Variants in ZNF37A observed in about 807,000 individuals in gnomAD.
The protein encoded by ZNF37A is zinc finger protein 37A, also known as zinc finger protein 37a (KOX 21).
A neutral mutation model predicts 12.3 loss-of-function variants in ZNF37A; 10 were observed. That is an observed-to-expected ratio of 0.82 (90% CI 0.50 to 1.38). The LOEUF (loss-of-function observed/expected upper bound fraction) is 1.38, where lower values mean the gene tolerates loss of function less well. Among genes scored for constraint, ZNF37A ranks in the 40% most tolerant of loss-of-function variants. ZNF37A has a pLI of 0.00. For missense variants in ZNF37A, 580 were observed against 651.2 expected (o/e 0.89, Z 1.19); for synonymous variants, 207 against 223.0 (o/e 0.93, Z 0.64).
At chr10:38,112,773 T>TCTTGTCTTGTCTTGTCTTG (rs1564932263) in intron 5 of ZNF37A, among the ~76,000 whole-genome samples, 1 of 65,634 alleles carries the variant, frequency 1.5e-5, no homozygotes, top group African/African-American at 5.6e-5. Flanking sequence ...TTCTTTTCTT[T>TCTTGTCTTGTCTTGTCTTG]TCTTTTCTTT....
exon 8 of ZNF37A, chr10:38,149,566 T>G: frequency 7.4e-6 from 1 of 135,116 alleles, no homozygotes; most frequent in East Asian, 2.2e-4. Flanking sequence ...CATTCTACAG[T>G]TGTGCTTTTT....
intron 4 of ZNF37A, 86 bp downstream of exon 4, chr10:38,095,890 A>C: frequency 6.6e-6 from 1 of 152,156 alleles, no homozygotes; most frequent in Admixed American, 6.5e-5. Context: ...TTTTCCTTCC[A>C]AAAAAACTGG....
intron 5 of ZNF37A, among the ~76,000 whole-genome samples, chr10:38,098,748 A>G (rs1198716283): frequency 6.6e-6 from 1 of 152,214 alleles, no homozygotes; most frequent in Non-Finnish European, 1.5e-5. Flanking sequence ...TCATGTATTT[A>G]TGTATAGTCT....
At chr10:38,100,782 G>T (rs1467926983) in intron 5 of ZNF37A, among the ~76,000 whole-genome samples, 1 of 152,160 alleles carries the variant, frequency 6.6e-6, no homozygotes, top group Admixed American at 6.5e-5. Context: ...TTAAAGACAG[G>T]CATAGGAAAT....
intron 7 of ZNF37A, chr10:38,115,529 T>G: frequency 2.7e-6 from 1 of 374,518 alleles, no homozygotes; most frequent in Non-Finnish European, 4.7e-6. Context: ...ACTATATAGT[T>G]TAGCCAGAGA....
At position 38,122,219 on chromosome 10, in the gene ZNF37A, CAG is replaced by C. The variant is rs1278521619; in HGVS notation, c.*3385_*3386del. On this transcript the variant is annotated 3_prime_UTR_variant, in exon 8 of 8. Coordinates refer to ENST00000685332, the MANE Select transcript of ZNF37A (RefSeq NM_001324250.3). ...TGCCACTGTACTCTAGCCTGGAAGACAGAGTGAGACCCCATCTCAGGAAAAAA... is the reference window on the plus strand; with the variant it reads ...TGCCACTGTACTCTAGCCTGGAAGACAGTGAGACCCCATCTCAGGAAAAAA... The C allele has an allele frequency of 6.6e-6, 1 of 150,486 alleles. No individual in the cohort carries two copies. The highest frequency in any genetic ancestry group is 2.5e-5 in the African/African-American group (1 of 40,782). The allele number at this position is 150,486 out of a possible 1,614,324, so 9.3% of individuals were successfully genotyped here. A position where few individuals can be genotyped will look rare whatever the true frequency, so the allele number is the denominator to read the frequency against.
At chr10:38,141,058 C>T (rs1049709103) in intron 7 of ZNF37A, 5 of 152,078 alleles carry the variant, frequency 3.3e-5, no homozygotes, top group African/African-American at 1.2e-4. Flanking sequence ...AATGAGGGAC[C>T]CATATTAGTG....
chr10:38,149,892 T>C (rs1335761783), exon 8 of ZNF37A: 1 of 152,208 alleles, frequency 6.6e-6, no homozygotes, highest in Non-Finnish European at 1.5e-5. Context: ...CTAATTTCTT[T>C]AGTGAACTAT....
intron 5 of ZNF37A, among the ~76,000 whole-genome samples, 194 bp from the exon 6 acceptor site, chr10:38,114,561 C>A (rs1366666679): frequency 6.6e-6 from 1 of 152,164 alleles, no homozygotes; most frequent in Admixed American, 6.5e-5. Flanking sequence ...TAAATTAATG[C>A]ACCAACAGGA....
At chr10:38,098,629 T>G (rs2067329969) in intron 5 of ZNF37A, among the ~76,000 whole-genome samples, 1 of 152,176 alleles carries the variant, frequency 6.6e-6, no homozygotes, top group South Asian at 2.1e-4. Context: ...AGTGTACAAG[T>G]GTTGCATATC....
chr10:38,098,708 C>T (rs528992152), intron 5 of ZNF37A, among the ~76,000 whole-genome samples: 40 of 152,240 alleles, frequency 2.6e-4, no homozygotes, highest in African/African-American at 8.9e-4. Context: ...ACTTCAGTGT[C>T]TATAAAGTTT....
At chr10:38,136,422 G>A (rs575378529) in intron 7 of ZNF37A, among the ~76,000 whole-genome samples, 1 of 152,254 alleles carries the variant, frequency 6.6e-6, no homozygotes, top group Admixed American at 6.5e-5. Flanking sequence ...CCAAAGTGCT[G>A]GGATTACAGG....
chr10:38,135,733 A>G (rs2070099152), intron 7 of ZNF37A, among the ~76,000 whole-genome samples: 1 of 152,222 alleles, frequency 6.6e-6, no homozygotes, highest in African/African-American at 2.4e-5. Flanking sequence ...ACCTCCTCAC[A>G]GGCGGCAGGG....
At chr10:38,139,024 G>A (rs1407098150) in intron 7 of ZNF37A, 1 of 152,156 alleles carries the variant, frequency 6.6e-6, no homozygotes, top group Non-Finnish European at 1.5e-5. Flanking sequence ...ATCTGCAGAG[G>A]AAGAGCTACA....
At chr10:38,136,581 A>G (rs2041646665) in intron 7 of ZNF37A, among the ~76,000 whole-genome samples, 1 of 152,140 alleles carries the variant, frequency 6.6e-6, no homozygotes, top group Admixed American at 6.5e-5. Flanking sequence ...TGCTTTCAAT[A>G]TTCTCTGTCT....
Position 38,117,756 on chromosome 10 carries a change from G to T in ZNF37A, c.605G>T (p.Gly202Val). The T allele has an allele frequency of 5.0e-6, 8 of 1,613,966 alleles. No individual in the cohort carries two copies. The highest frequency in any genetic ancestry group is 5.9e-6 in the Non-Finnish European group (7 of 1,179,988). Residue 202 changes from glycine (G) to valine (V), a missense_variant, in exon 8 of 8, where the codon GGT (glycine) becomes GTT (valine). By Grantham distance (109) the Gly-to-Val change is moderately radical (BLOSUM62 -3). Transcript: ENST00000685332. The stretch of plus-strand genomic sequence containing the variant: ...ACACATCCAAGAGAAAACCACTATG[G>T]TAATGAATGTGGAGAAAATATCTTT... ...QQTHPRENHY[G>V]NECGENIFEE... is the part of the protein sequence containing the mutation.
chr10:38,111,814 A>G (rs1414266918), intron 5 of ZNF37A, among the ~76,000 whole-genome samples: 1 of 152,048 alleles, frequency 6.6e-6, no homozygotes, highest in Admixed American at 6.6e-5. Flanking sequence ...ATTGACAGGC[A>G]TGTTTGCCAG....
At position 38,114,777 on chromosome 10, in the gene ZNF37A, T is replaced by TA; in HGVS notation, c.38_39insA (p.Thr14AspfsTer40). 1 of 1,614,078 alleles carries TA rather than the reference T, an allele frequency of 6.2e-7. No homozygotes were observed. The highest frequency in any genetic ancestry group is 8.5e-7 in the Non-Finnish European group (1 of 1,179,998). On this transcript the variant is annotated frameshift_variant, in exon 6 of 8. Transcript: ENST00000685332. LOFTEE classifies it high-confidence loss of function. ...CAGGGATCAGTGTCGTTTAGGGATG[T>TA]GACTGTGGGCTTCACTCAAGAGGAG... is the stretch of plus-strand genomic sequence containing the variant.
At chr10:38,095,934 C>A (rs1276995400) in intron 4 of ZNF37A, 130 bp downstream of exon 4, 4 of 152,200 alleles carry the variant, frequency 2.6e-5, no homozygotes, top group African/African-American at 9.7e-5. Flanking sequence ...CGCCAGTAAT[C>A]CCAGCACTTT....
Sources: allele counts gnomAD v4.1 joint callset (sites outside exome capture counted in the v4.1 genomes callset), GRCh38; gene constraint gnomAD v4.1.1; transcripts MANE v1.5; gene names NCBI Gene and HGNC (gene_info 2026-07-23, HGNC 2026-07-21).